STK38L: variants seen among roughly 807,000 people sequenced by gnomAD.
The protein encoded by STK38L is serine/threonine kinase 38 like.
STK38L carries 28 observed loss-of-function variants against 59.7 expected under a neutral mutation model. The ratio of observed to expected loss-of-function variants is 0.47; its 90% CI spans 0.35 to 0.64. The LOEUF (loss-of-function observed/expected upper bound fraction) is 0.64, where lower values mean the gene tolerates loss of function less well. STK38L is among the 30% of genes least tolerant of loss of function. STK38L has a pLI of 0.01. For missense variants in STK38L, 314 were observed against 555.8 expected (o/e 0.56, Z 4.37); for synonymous variants, 162 against 176.8 (o/e 0.92, Z 0.66).
At chr12:27,286,925 T>C (rs1943785623) in intron 1 of STK38L, among the ~76,000 whole-genome samples, 1 of 152,194 alleles carries the variant, frequency 6.6e-6, no homozygotes, top group Non-Finnish European at 1.5e-5. Flanking sequence ...TTTGATTCAC[T>C]AGTAAAATTG....
chr12:27,313,268 A>C (rs1351651722), intron 6 of STK38L, among the ~76,000 whole-genome samples: 1 of 103,520 alleles, frequency 9.7e-6, no homozygotes, highest in African/African-American at 3.1e-5. Context: ...AAAAAAAAAT[A>C]CCTGAGACTG....
intron 1 of STK38L, among the ~76,000 whole-genome samples, chr12:27,259,168 C>T (rs902133846): frequency 1.3e-5 from 2 of 152,242 alleles, no homozygotes; most frequent in South Asian, 2.1e-4. Context: ...GATTTTCTTC[C>T]GGCTGAATGA....
intron 3 of STK38L, among the ~76,000 whole-genome samples, chr12:27,306,714 A>AACACACACACACACACACACAC (rs10553623): frequency 0.016 from 2,271 of 139,142 alleles, 37 homozygotes; most frequent in East Asian, 0.021. Context: ...GAATTTTATA[A>AACACACACACACACACACACAC]ACACACACAC....
At chr12:27,317,020 G>A (rs2136651337) in intron 9 of STK38L, among the ~76,000 whole-genome samples, 1 of 152,248 alleles carries the variant, frequency 6.6e-6, no homozygotes, top group South Asian at 2.1e-4. Context: ...TGAGCTTCTT[G>A]TGGGGGCAGA....
chr12:27,272,371 G>A (rs1565530742), intron 1 of STK38L, among the ~76,000 whole-genome samples: 1 of 152,178 alleles, frequency 6.6e-6, no homozygotes, highest in Non-Finnish European at 1.5e-5. Flanking sequence ...ATTAGCTAGG[G>A]TGTGTATATT....
At chr12:27,254,415 C>T (rs931629111) in intron 1 of STK38L, among the ~76,000 whole-genome samples, 6 of 152,168 alleles carry the variant, frequency 3.9e-5, no homozygotes, top group African/African-American at 1.4e-4. Context: ...CTCCTCTATC[C>T]TTGTTTGGTC....
intron 1 of STK38L, among the ~76,000 whole-genome samples, chr12:27,245,987 AAC>A (rs1376417237): frequency 1.3e-5 from 2 of 152,252 alleles, no homozygotes; most frequent in Non-Finnish European, 2.9e-5. Flanking sequence ...AGACTTAGAA[AAC>A]ACACATTAAA....
At chr12:27,282,602 T>A (rs1312812649) in intron 1 of STK38L, among the ~76,000 whole-genome samples, 1 of 152,296 alleles carries the variant, frequency 6.6e-6, no homozygotes, top group African/African-American at 2.4e-5. Context: ...TGCTGTCATA[T>A]AACTATTGAT....
At chr12:27,260,504 C>T (rs1475364113) in intron 1 of STK38L, among the ~76,000 whole-genome samples, 3 of 152,148 alleles carry the variant, frequency 2.0e-5, no homozygotes, top group Non-Finnish European at 4.4e-5. Context: ...TTTACACGTT[C>T]TTGCCCCTGT....
intron 1 of STK38L, among the ~76,000 whole-genome samples, chr12:27,273,948 A>T (rs1943477270): frequency 1.3e-5 from 2 of 152,154 alleles, no homozygotes; most frequent in South Asian, 4.1e-4. Flanking sequence ...TCTCTCTGAT[A>T]CTTCTTTTAG....
At chr12:27,270,686 T>A (rs1943405036) in intron 1 of STK38L, among the ~76,000 whole-genome samples, 1 of 151,166 alleles carries the variant, frequency 6.6e-6, no homozygotes, top group Admixed American at 6.6e-5. Context: ...CGCTTTTAAA[T>A]TTTTTTTTAT....
chr12:27,304,657 ATAAT>A (rs1270517949), intron 3 of STK38L, among the ~76,000 whole-genome samples: 1 of 152,152 alleles, frequency 6.6e-6, no homozygotes, highest in African/African-American at 2.4e-5. Context: ...TAAATTTCTT[ATAAT>A]TAATAACCAT....
In STK38L at chr12:27,288,724, T is replaced by G. The variant is rs146164570; in HGVS notation, c.-11-8986T>G. On this transcript the variant is annotated intron_variant, in intron 1 of 13. Transcript: ENST00000389032. ...ATATATCATTTTATATATATATTTA[T>G]AAATTTGTTTTTTCCCAGTTGTTTT... 5.4e-3 allele frequency among the ~76,000 whole-genome samples: 825 copies of G among 151,862 alleles called. 9 individuals are homozygous for G. The highest frequency in any genetic ancestry group is 0.019 in the African/African-American group (779 of 41,488).
At chr12:27,309,042 T>G in intron 4 of STK38L, 72 bp from the exon 5 acceptor site, 2 of 1,066,014 alleles carry the variant, frequency 1.9e-6, no homozygotes, top group Non-Finnish European at 2.5e-6. Context: ...CTGCTTTCTT[T>G]AAGGGAAGTT....
At chr12:27,313,020 G>A (rs929908222) in intron 6 of STK38L, among the ~76,000 whole-genome samples, 1 of 151,958 alleles carries the variant, frequency 6.6e-6, no homozygotes, top group African/African-American at 2.4e-5. Context: ...AGGCCGAGGC[G>A]GATGGATCAC....
At chr12:27,299,487 C>T (rs75125242) in intron 2 of STK38L, among the ~76,000 whole-genome samples, 1 of 151,978 alleles carries the variant, frequency 6.6e-6, no homozygotes, top group Non-Finnish European at 1.5e-5. Flanking sequence ...AGGAAAGTGA[C>T]CACAAATAGA....
chr12:27,289,922 A>C (rs1464685927), intron 1 of STK38L, among the ~76,000 whole-genome samples: 3 of 152,166 alleles, frequency 2.0e-5, no homozygotes, highest in African/African-American at 7.2e-5. Context: ...CTAATTTGTC[A>C]AAGAAGTAGG....
chr12:27,284,774 C>T (rs889819101), intron 1 of STK38L, among the ~76,000 whole-genome samples: 1 of 152,116 alleles, frequency 6.6e-6, no homozygotes, highest in African/African-American at 2.4e-5. Context: ...CTGTTCATTG[C>T]TTAGGTAGTA....
Position 27,308,857 on chromosome 12 carries a change from AAAATATATATAAATAT to A in STK38L, c.310-242_310-227del, listed in dbSNP as rs56897680. Among the ~76,000 whole-genome samples the A allele has an allele frequency of 0.04, 5,789 of 145,692 alleles. 142 individuals carry two copies. Among genetic ancestry groups the A allele is most frequent in the Non-Finnish European group, 0.059 (3,927 of 66,544 alleles). On this transcript the variant is annotated intron_variant, in intron 4 of 13. Coordinates refer to ENST00000389032, the MANE Select transcript of STK38L (RefSeq NM_015000.4). The surrounding 1 kb of genome is among the most constrained non-coding windows in gnomAD (Gnocchi z 4.5). ...ATATGTGTTTGTATGTATATATAAA[AAAATATATATAAATAT>A]AAATATATATAAATGTAAATATATA...
Sources: gnomAD v4.1 joint callset for allele counts (sites outside exome capture counted in the v4.1 genomes callset) on GRCh38, gnomAD v4.1.1 for gene constraint, Gnocchi (gnomAD v3.1) non-coding constraint, MANE v1.5 for transcripts, NCBI Gene and HGNC (gene_info 2026-07-23, HGNC 2026-07-21) for gene names.